ROBO2: variants seen among roughly 807,000 people sequenced by gnomAD.
ROBO2 encodes the protein roundabout guidance receptor 2.
ROBO2 carries 53 observed loss-of-function variants against 160.8 expected under a neutral mutation model. That is an observed-to-expected ratio of 0.33 (90% CI 0.26 to 0.41). The LOEUF (loss-of-function observed/expected upper bound fraction) is 0.41, where lower values mean the gene tolerates loss of function less well. Ranked by LOEUF, ROBO2 falls within the 10% of genes least tolerant of loss-of-function variation. ROBO2 has a pLI of 1.00. For synonymous variants in ROBO2, 664 were observed against 611.7 expected, an observed-to-expected ratio of 1.09 and a Z score of -1.26; for missense variants, 1,577 against 1,722.4, an observed-to-expected ratio of 0.92 and a Z score of 1.49.
chr3:76,886,364 G>A (rs1465761797), intron 2 of ROBO2, among the ~76,000 whole-genome samples: 1 of 151,374 alleles, frequency 6.6e-6, no homozygotes, highest in Non-Finnish European at 1.5e-5. Flanking sequence ...GAGATTTAAG[G>A]AATAAATGTT....
At chr3:76,965,051 C>G (rs1471768814) in intron 2 of ROBO2, among the ~76,000 whole-genome samples, 1 of 152,206 alleles carries the variant, frequency 6.6e-6, no homozygotes, top group East Asian at 1.9e-4. Flanking sequence ...TCTTGCTGAA[C>G]ACAACTCAAG....
At chr3:76,567,036 G>A (rs1052481878) in intron 2 of ROBO2, among the ~76,000 whole-genome samples, 12 of 152,086 alleles carry the variant, frequency 7.9e-5, no homozygotes, top group Admixed American at 2.0e-4. Context: ...CTACCTTTAG[G>A]AGAATATATT....
At chr3:77,453,375 C>G (rs2081308162) in intron 2 of ROBO2, among the ~76,000 whole-genome samples, 1 of 146,042 alleles carries the variant, frequency 6.8e-6, no homozygotes, top group African/African-American at 2.5e-5. Flanking sequence ...ATTTTAAAGC[C>G]TTTTTTTTTT....
chr3:77,138,128 GA>G (rs1253702798), intron 2 of ROBO2, among the ~76,000 whole-genome samples: 3 of 152,088 alleles, frequency 2.0e-5, no homozygotes, highest in Non-Finnish European at 4.4e-5. Context: ...TTGACTACTT[GA>G]AAATATGGTT....
At chr3:76,106,608 A>G (rs1046044391) in intron 2 of ROBO2, among the ~76,000 whole-genome samples, 1 of 152,074 alleles carries the variant, frequency 6.6e-6, no homozygotes, top group African/African-American at 2.4e-5. Flanking sequence ...CCATGGCCTC[A>G]AATAATACTT....
At chr3:77,369,314 T>C (rs1225589415) in intron 2 of ROBO2, among the ~76,000 whole-genome samples, 2 of 152,198 alleles carry the variant, frequency 1.3e-5, no homozygotes, top group African/African-American at 4.8e-5. Context: ...GTCCCCTGAA[T>C]TTTGTACTTG....
chr3:76,154,105 G>C (rs2072313390), intron 2 of ROBO2, among the ~76,000 whole-genome samples: 1 of 152,040 alleles, frequency 6.6e-6, no homozygotes, highest in Non-Finnish European at 1.5e-5. Flanking sequence ...GAGATAATAT[G>C]AAATGTTTTA....
intron 2 of ROBO2, among the ~76,000 whole-genome samples, chr3:76,323,750 C>G (rs1165586638): frequency 1.3e-5 from 2 of 152,200 alleles, no homozygotes; most frequent in Admixed American, 1.3e-4. Flanking sequence ...TGGTGCATTA[C>G]AAGTTCAAAT....
chr3:76,148,824 G>C (rs2072026987), intron 2 of ROBO2, among the ~76,000 whole-genome samples: 1 of 151,646 alleles, frequency 6.6e-6, no homozygotes, highest in African/African-American at 2.4e-5. Context: ...TTCCTTTTTT[G>C]GTTGTTTAAA....
At chr3:77,572,363 G>A (rs940371100) in intron 13 of ROBO2, among the ~76,000 whole-genome samples, 6 of 151,672 alleles carry the variant, frequency 4.0e-5, no homozygotes, top group East Asian at 1.9e-4. Flanking sequence ...TTAACTTTTC[G>A]CCTCTTGGTT....
intron 2 of ROBO2, among the ~76,000 whole-genome samples, chr3:77,339,494 G>A (rs1386010442): frequency 2.0e-5 from 3 of 152,128 alleles, no homozygotes; most frequent in Non-Finnish European, 4.4e-5. Context: ...AGGAAATTTC[G>A]ATGCAACTTG....
At chr3:77,074,361 TA>T (rs2067722921) in intron 1 of ROBO2, among the ~76,000 whole-genome samples, 1 of 152,204 alleles carries the variant, frequency 6.6e-6, no homozygotes, top group Non-Finnish European at 1.5e-5. Context: ...CTCTAGGACA[TA>T]AAAGAAGTAG....
chr3:76,399,242 G>T (rs1358317025), intron 2 of ROBO2, among the ~76,000 whole-genome samples: 1 of 151,568 alleles, frequency 6.6e-6, no homozygotes, highest in African/African-American at 2.4e-5. Flanking sequence ...AAGATAAGTA[G>T]AGAAACAGAA....
chr3:76,056,773 G>T (rs896422618), intron 2 of ROBO2, among the ~76,000 whole-genome samples: 1 of 152,110 alleles, frequency 6.6e-6, no homozygotes, highest in African/African-American at 2.4e-5. Context: ...ATTCACAAGT[G>T]GTGATTGGTA....
chr3:76,172,653 CT>C (rs772714080), intron 2 of ROBO2, among the ~76,000 whole-genome samples: 4 of 151,836 alleles, frequency 2.6e-5, no homozygotes, highest in Non-Finnish European at 5.9e-5. Context: ...GTAACAAAAT[CT>C]CAGGGGAAAA....
intron 2 of ROBO2, among the ~76,000 whole-genome samples, chr3:76,904,380 GC>G (rs1559680107): frequency 6.6e-6 from 1 of 152,050 alleles, no homozygotes; most frequent in Admixed American, 6.6e-5. Flanking sequence ...TGGTAATGTT[GC>G]CAAATATAGC....
chr3:76,096,826 CG>C (rs1559549962), intron 2 of ROBO2, among the ~76,000 whole-genome samples: 1 of 152,036 alleles, frequency 6.6e-6, no homozygotes, highest in Non-Finnish European at 1.5e-5. Flanking sequence ...ATTGTAGAGA[CG>C]AGTTAATGAA....
At chr3:77,003,624 G>A (rs767825619) in intron 2 of ROBO2, among the ~76,000 whole-genome samples, 6 of 152,078 alleles carry the variant, frequency 3.9e-5, no homozygotes, top group Non-Finnish European at 8.8e-5. Flanking sequence ...GCAATGGTGC[G>A]ATATCGGCTC....
chr3:77,592,208 G>A (rs977049971), intron 17 of ROBO2, among the ~76,000 whole-genome samples: 1 of 152,064 alleles, frequency 6.6e-6, no homozygotes, highest in Non-Finnish European at 1.5e-5. Flanking sequence ...GTACTAAATT[G>A]TATGTGAACC....
Sources: gnomAD v4.1 joint callset for allele counts (sites outside exome capture counted in the v4.1 genomes callset) on GRCh38, gnomAD v4.1.1 for gene constraint, MANE v1.5 for transcripts, NCBI Gene and HGNC (gene_info 2026-07-23, HGNC 2026-07-21) for gene names.